Variants in SCAPER observed in about 807,000 individuals in gnomAD.
SCAPER encodes the protein S-phase cyclin A associated protein in the ER, also known as S phase cyclin A-associated protein in the endoplasmic reticulum.
Under a neutral mutation model 182.2 loss-of-function variants are expected in SCAPER, and 98 were observed. That is an observed-to-expected ratio of 0.54 (90% CI 0.46 to 0.64). SCAPER has a LOEUF of 0.64. Among genes scored for constraint, SCAPER ranks in the 30% least tolerant of loss-of-function variants. The probability of loss-of-function intolerance (pLI) is 0.00; values close to 1 mark genes in which losing one functional copy is unlikely to be tolerated. For missense variants in SCAPER, 1,432 were observed against 1,690.0 expected, an observed-to-expected ratio of 0.85 and a Z score of 2.68; for synonymous variants, 605 against 564.6, an observed-to-expected ratio of 1.07 and a Z score of -1.01.
intron 2 of SCAPER, among the ~76,000 whole-genome samples, chr15:76,870,512 CTAAT>C (rs1568376655): frequency 1.3e-5 from 2 of 151,558 alleles, no homozygotes; most frequent in African/African-American, 2.4e-5. Context: ...TAAAGTAACT[CTAAT>C]TAATATGAAC....
At position 76,612,303 on chromosome 15, in the gene SCAPER, T is replaced by C. The variant is rs148441522; in HGVS notation, c.2711+9461A>G. Among the ~76,000 whole-genome samples, 305 of 152,310 alleles carry C rather than the reference T, an allele frequency of 2.0e-3. 1 individual carries two copies. The highest frequency in any genetic ancestry group is 6.9e-3 in the African/African-American group (288 of 41,568). On this transcript the variant is annotated intron_variant, in intron 22 of 31. Coordinates refer to ENST00000563290, the MANE Select transcript of SCAPER (RefSeq NM_020843.4). ...CCCAGGCTGGGGTGCAGTAGTGCAA[T>C]TTCGGCTCACTGCAGCCTGGACCTC...
At chr15:76,417,417 T>A (rs1447752953) in intron 26 of SCAPER, among the ~76,000 whole-genome samples, 2 of 151,880 alleles carry the variant, frequency 1.3e-5, no homozygotes, top group Non-Finnish European at 2.9e-5. Context: ...AGGGTGAGAG[T>A]TTTGAAAAGT....
chr15:76,471,921 A>C (rs2050210154), intron 24 of SCAPER, among the ~76,000 whole-genome samples: 1 of 152,194 alleles, frequency 6.6e-6, no homozygotes, highest in African/African-American at 2.4e-5. Flanking sequence ...AGACAGTTTA[A>C]GGTCAAACTG....
chr15:76,405,280 A>AT (rs112695168), intron 26 of SCAPER, among the ~76,000 whole-genome samples: 33 of 146,418 alleles, frequency 2.3e-4, no homozygotes, highest in Admixed American at 3.4e-4. Context: ...TGTGCAGTTA[A>AT]TTTTTTTTTT....
intron 1 of SCAPER, among the ~76,000 whole-genome samples, chr15:76,890,279 A>C (rs1041643108): frequency 1.3e-5 from 2 of 152,150 alleles, no homozygotes; most frequent in African/African-American, 4.8e-5. Context: ...AGAGCAAATA[A>C]ATTCAAAAGC....
intron 24 of SCAPER, among the ~76,000 whole-genome samples, chr15:76,484,285 T>C (rs753505689): frequency 6.6e-6 from 1 of 152,004 alleles, no homozygotes; most frequent in Non-Finnish European, 1.5e-5. Flanking sequence ...ATTCTGGAAA[T>C]GGTAAAACTA....
intron 24 of SCAPER, among the ~76,000 whole-genome samples, chr15:76,485,676 C>T (rs1355612828): frequency 3.3e-5 from 5 of 152,080 alleles, no homozygotes; most frequent in African/African-American, 1.2e-4. Flanking sequence ...GGTGCTGGTA[C>T]AAAAACAGAC....
chr15:76,800,589 A>C (rs1160626205), intron 6 of SCAPER, among the ~76,000 whole-genome samples: 1 of 152,206 alleles, frequency 6.6e-6, no homozygotes, highest in Non-Finnish European at 1.5e-5. Context: ...TTTTCTACCG[A>C]CTGCAGCACA....
At chr15:76,721,503 A>T (rs1216144204) in intron 17 of SCAPER, among the ~76,000 whole-genome samples, 3 of 151,958 alleles carry the variant, frequency 2.0e-5, no homozygotes, top group Non-Finnish European at 4.4e-5. Flanking sequence ...TTGAATCTAT[A>T]AATTACCTTG....
intron 2 of SCAPER, among the ~76,000 whole-genome samples, chr15:76,877,878 A>G (rs2073278014): frequency 6.6e-6 from 1 of 152,242 alleles, no homozygotes; most frequent in Admixed American, 6.5e-5. Flanking sequence ...GTATTATATA[A>G]TAATACTGTA....
At chr15:76,495,283 A>G (rs2040379475) in intron 24 of SCAPER, among the ~76,000 whole-genome samples, 1 of 152,122 alleles carries the variant, frequency 6.6e-6, no homozygotes, top group East Asian at 1.9e-4. Context: ...AGAGAGGAAT[A>G]AGAGATGATG....
intron 29 of SCAPER, among the ~76,000 whole-genome samples, chr15:76,368,803 A>G (rs1235643924): frequency 6.6e-6 from 1 of 152,238 alleles, no homozygotes; most frequent in African/African-American, 2.4e-5. Context: ...ATATAGTAAT[A>G]TGCAGGCAGT....
At chr15:76,811,775 T>A in intron 5 of SCAPER, among the ~76,000 whole-genome samples, 3 of 144,808 alleles carry the variant, frequency 2.1e-5, no homozygotes, top group South Asian at 2.2e-4. Flanking sequence ...GCAACAAGAG[T>A]GAAACTCTGC....
chr15:76,669,749 G>A (rs565775078), intron 20 of SCAPER, among the ~76,000 whole-genome samples: 1 of 152,238 alleles, frequency 6.6e-6, no homozygotes, highest in South Asian at 2.1e-4. Flanking sequence ...CAAGATCAAG[G>A]TTTTTTATTA....
intron 20 of SCAPER, among the ~76,000 whole-genome samples, chr15:76,670,830 T>C (rs1039644636): frequency 6.6e-6 from 1 of 152,216 alleles, no homozygotes; most frequent in African/African-American, 2.4e-5. Context: ...ATGGTTTGCA[T>C]TATGCTTTTG....
At chr15:76,892,334 A>C (rs559184069) in intron 1 of SCAPER, among the ~76,000 whole-genome samples, 1 of 152,340 alleles carries the variant, frequency 6.6e-6, no homozygotes, top group Admixed American at 6.5e-5. Context: ...GGATCTAATT[A>C]AACTAAAGAG....
intron 24 of SCAPER, among the ~76,000 whole-genome samples, chr15:76,483,295 C>CAAA (rs61261703): frequency 1.5e-5 from 2 of 133,028 alleles, no homozygotes; most frequent in African/African-American, 5.5e-5. Flanking sequence ...TATTCACATG[C>CAAA]AAAAAAAAAA....
At chr15:76,495,600 A>AAAG (rs1555456275) in intron 24 of SCAPER, among the ~76,000 whole-genome samples, 21 of 149,982 alleles carry the variant, frequency 1.4e-4, no homozygotes, top group East Asian at 3.9e-4. Flanking sequence ...AAAAAAAAAA[A>AAAG]AGAGAGAGAG....
chr15:76,460,651 C>T (rs774633844), intron 25 of SCAPER, among the ~76,000 whole-genome samples: 5 of 152,014 alleles, frequency 3.3e-5, no homozygotes, highest in South Asian at 2.1e-4. Context: ...GTGATATGTA[C>T]GTTACACTGT....
Sources: gnomAD v4.1 joint callset for allele counts (sites outside exome capture counted in the v4.1 genomes callset) on GRCh38, gnomAD v4.1.1 for gene constraint, MANE v1.5 for transcripts, NCBI Gene and HGNC (gene_info 2026-07-23, HGNC 2026-07-21) for gene names.